NUP98: variants seen among roughly 807,000 people sequenced by gnomAD.
The protein encoded by NUP98 is nuclear pore complex protein Nup98-Nup96.
Under a neutral mutation model 191.9 loss-of-function variants are expected in NUP98, and 26 were observed. The observed-to-expected ratio is 0.14, with a 90% confidence interval of 0.10 to 0.19. NUP98 has a LOEUF of 0.19. Among genes scored for constraint, NUP98 ranks in the 10% least tolerant of loss-of-function variants. NUP98 has a pLI of 1.00. For synonymous variants in NUP98, 808 were observed against 778.4 expected (o/e 1.04, Z -0.63); for missense variants, 1,941 against 2,178.8 (o/e 0.89, Z 2.17).
chr11:3,702,311 A>ACACT, intron 23 of NUP98, 152 bp downstream of exon 23: 2 of 421,870 alleles, frequency 4.7e-6, no homozygotes, highest in Non-Finnish European at 8.3e-6. Flanking sequence ...ACACACACAC[A>ACACT]CACTCTCTCT....
chr11:3,753,509 C>T (rs2080842433), intron 10 of NUP98, 101 bp from the exon 11 acceptor site: 1 of 848,026 alleles, frequency 1.2e-6, no homozygotes, highest in Non-Finnish European at 1.9e-6. Flanking sequence ...AAGTTGTGAA[C>T]CTTTCAGTTA....
At chr11:3,697,666 A>ACTAGCTGGGCATGGTGG (rs1386241049) in intron 25 of NUP98, among the ~76,000 whole-genome samples, 17 of 151,920 alleles carry the variant, frequency 1.1e-4, no homozygotes, top group Non-Finnish European at 2.4e-4. Flanking sequence ...AAAAAAGACA[A>ACTAGCTGGGCATGGTGG]CTAGCTGGGC....
At chr11:3,766,517 C>G (rs1294628449) in intron 8 of NUP98, among the ~76,000 whole-genome samples, 2 of 151,924 alleles carry the variant, frequency 1.3e-5, no homozygotes, top group African/African-American at 2.4e-5. Flanking sequence ...TAGTGAAACC[C>G]CGGCTCTACT....
At chr11:3,791,144 C>G (rs1246576458) in intron 1 of NUP98, among the ~76,000 whole-genome samples, 1 of 152,040 alleles carries the variant, frequency 6.6e-6, no homozygotes, top group Non-Finnish European at 1.5e-5. Flanking sequence ...ATCCGCCCCC[C>G]TCAGCCTCCC....
intron 12 of NUP98, 130 bp from the exon 13 acceptor site, chr11:3,735,454 C>A (rs989662386): frequency 2.5e-5 from 10 of 405,558 alleles, no homozygotes; most frequent in African/African-American, 1.7e-4. Context: ...TCAATGGTAT[C>A]ATTGGGGCAG....
At chr11:3,794,329 T>A (rs1287349610) in intron 1 of NUP98, among the ~76,000 whole-genome samples, 4 of 152,142 alleles carry the variant, frequency 2.6e-5, no homozygotes, top group Non-Finnish European at 5.9e-5. Context: ...TTGTTTCTTT[T>A]CTTTTTTTCT....
intron 11 of NUP98, among the ~76,000 whole-genome samples, chr11:3,751,959 C>T (rs1373606653): frequency 6.6e-6 from 1 of 151,406 alleles, no homozygotes; most frequent in Non-Finnish European, 1.5e-5. Flanking sequence ...GGGAGGATCA[C>T]GACGTCAGGA....
At chr11:3,679,913 A>AT in intron 30 of NUP98, 1 of 582,554 alleles carries the variant, frequency 1.7e-6, no homozygotes, top group East Asian at 2.8e-5. Flanking sequence ...AAAATCACAA[A>AT]TTTTTTGGTT....
chr11:3,776,087 G>C, intron 4 of NUP98, 66 bp from the exon 5 acceptor site: 1 of 1,240,170 alleles, frequency 8.1e-7, no homozygotes, highest in East Asian at 2.4e-5. Flanking sequence ...AGATGCATTG[G>C]AATTGGGCTA....
intron 12 of NUP98, among the ~76,000 whole-genome samples, chr11:3,737,784 C>G (rs1432433958): frequency 6.6e-6 from 1 of 152,044 alleles, no homozygotes; most frequent in African/African-American, 2.4e-5. Flanking sequence ...TGCTCAGGAT[C>G]TCAAACCAAG....
chr11:3,752,765 A>C (rs946712598), intron 11 of NUP98, among the ~76,000 whole-genome samples: 2 of 152,190 alleles, frequency 1.3e-5, no homozygotes, highest in African/African-American at 2.4e-5. Flanking sequence ...GACCATCATC[A>C]CGCTCCAGCT....
At chr11:3,780,942 T>C (rs1290699985) in intron 2 of NUP98, among the ~76,000 whole-genome samples, 1 of 151,928 alleles carries the variant, frequency 6.6e-6, no homozygotes, top group East Asian at 1.9e-4. Context: ...TAGCCGGGCA[T>C]GGTGCCATAC....
intron 27 of NUP98, 42 bp downstream of exon 27, chr11:3,693,190 C>T (rs370614174): frequency 1.3e-5 from 21 of 1,607,170 alleles, no homozygotes; most frequent in Admixed American, 1.0e-4. Context: ...AATACTTTAA[C>T]ACCCAGCAAG....
chr11:3,744,259 T>C (rs2080404877), intron 12 of NUP98, among the ~76,000 whole-genome samples: 1 of 152,216 alleles, frequency 6.6e-6, no homozygotes, highest in Admixed American at 6.5e-5. Context: ...TTTAGCGATA[T>C]GAACTAAATT....
At chr11:3,770,854 TC>T (rs1357891761) in intron 7 of NUP98, among the ~76,000 whole-genome samples, 1 of 152,082 alleles carries the variant, frequency 6.6e-6, no homozygotes, top group Admixed American at 6.6e-5. Context: ...CAGAACCTCA[TC>T]TTTTTTCTTT....
At chr11:3,751,593 T>TCATG (rs1013923708) in intron 11 of NUP98, among the ~76,000 whole-genome samples, 9 of 152,172 alleles carry the variant, frequency 5.9e-5, no homozygotes, top group African/African-American at 2.2e-4. Context: ...GAGCACTGAC[T>TCATG]CATGCCTATA....
rs1237361474 is a variant in NUP98 at position 3,744,463 on chromosome 11, A to G, written c.1408+46T>C. 5 of 1,566,034 alleles carry G rather than the reference A, an allele frequency of 3.2e-6. No homozygotes were observed. The African/African-American group carries it at 4.1e-5, about 13-fold the overall frequency. On this transcript the variant is annotated intron_variant, in intron 12 of 32. Coordinates refer to ENST00000324932, the MANE Select transcript of NUP98 (RefSeq NM_016320.5). ...AGGATGGAAAATCAGGTCAGCAAGT[A>G]TTAGCAAAAAATTAAGAAAAGCCTT...
chr11:3,749,422 C>T (rs4910710), intron 11 of NUP98, among the ~76,000 whole-genome samples: 7,675 of 152,214 alleles, frequency 0.05, 255 homozygotes, highest in Middle Eastern at 0.099. Flanking sequence ...GTCAGGAGTT[C>T]GACACCAGCC....
rs534109282 is a variant in NUP98, at chr11:3,779,531, C to G, written c.77-274G>C. 3.2e-3 allele frequency among the ~76,000 whole-genome samples: 492 copies of G among 151,824 alleles called. 6 individuals carry two copies. Among genetic ancestry groups the G allele is most frequent in the African/African-American group, 9.6e-3 (398 of 41,392 alleles). ...TGGCACATGCCTATAATCCCAGCTA[C>G]TAGGGAGGCTGAGGCAGGAGAACTG... On this transcript the variant is annotated intron_variant, in intron 2 of 32. Coordinates refer to ENST00000324932, the MANE Select transcript of NUP98 (RefSeq NM_016320.5).
Sources: allele counts gnomAD v4.1 joint callset (sites outside exome capture counted in the v4.1 genomes callset), GRCh38; gene constraint gnomAD v4.1.1; transcripts MANE v1.5; gene names NCBI Gene and HGNC (gene_info 2026-07-23, HGNC 2026-07-21).